Variants in ARAP3 observed in about 807,000 individuals in gnomAD.
ARAP3 encodes arf-GAP with Rho-GAP domain, ANK repeat and PH domain-containing protein 3.
In ARAP3, 82 loss-of-function variants were observed where a neutral mutation model predicts 169.2. The ratio of observed to expected loss-of-function variants is 0.48; its 90% CI spans 0.41 to 0.58. The LOEUF (loss-of-function observed/expected upper bound fraction) is 0.58. Ranked by LOEUF, ARAP3 falls within the 20% of genes least tolerant of loss-of-function variation. ARAP3 has a pLI of 0.00. For synonymous variants in ARAP3, 791 were observed against 800.3 expected (o/e 0.99, Z 0.20); for missense variants, 1,764 against 2,018.0 (o/e 0.87, Z 2.41).
intron 4 of ARAP3, among the ~76,000 whole-genome samples, chr5:141,678,031 T>C (rs1303544494): frequency 6.6e-6 from 1 of 151,410 alleles, no homozygotes; most frequent in Non-Finnish European, 1.5e-5. Flanking sequence ...CACTGCAAGC[T>C]CCGCCTCCCG....
In ARAP3 at chr5:141,656,295, T is replaced by C; in HGVS notation, c.3790-19A>G. On this transcript the variant is annotated intron_variant, in intron 27 of 32. Transcript: ENST00000239440. Reference sequence around the variant, plus strand: ...TAGAGCTCTGAGAACAGAAACAGAGTCAGCGAGATGGAGAGATGAGAGATC... The same window carrying C: ...TAGAGCTCTGAGAACAGAAACAGAGCCAGCGAGATGGAGAGATGAGAGATC... 1 of 1,613,410 alleles carries C rather than the reference T, an allele frequency of 6.2e-7. No homozygotes were observed. Among genetic ancestry groups the C allele is most frequent in the South Asian group, 1.1e-5 (1 of 91,054 alleles).
chr5:141,655,614 G>A lies in ARAP3; in HGVS notation c.4110+7C>T. 1 of 1,614,054 alleles carries A rather than the reference G, an allele frequency of 6.2e-7. No homozygotes were observed. Among genetic ancestry groups the A allele is most frequent in the Non-Finnish European group, 8.5e-7 (1 of 1,180,014 alleles). On this transcript the variant is annotated splice_region_variant and intron_variant, in intron 31 of 32. Coordinates refer to ENST00000239440, the MANE Select transcript of ARAP3 (RefSeq NM_022481.6). ...GAATCGGGTTGGGGCAGGGTGGGGT[G>A]CCTTACCAGGGTCTGATTGGCAGAG...
intron 22 of ARAP3, 94 bp from the exon 23 acceptor site, chr5:141,659,570 G>T (rs1421290967): frequency 5.6e-6 from 8 of 1,431,056 alleles, no homozygotes; most frequent in Non-Finnish European, 7.9e-6. Context: ...GAGGGCTGGA[G>T]GCCAGAAGAG....
At chr5:141,669,844 G>A (rs769765450) in intron 15 of ARAP3, 33 bp from the exon 16 acceptor site, 14 of 1,612,540 alleles carry the variant, frequency 8.7e-6, no homozygotes, top group Non-Finnish European at 1.2e-5. Flanking sequence ...GAGGAGGATG[G>A]GACCAATGAG....
At chr5:141,668,050 A>G (rs2099910906) in intron 16 of ARAP3, among the ~76,000 whole-genome samples, 4 of 151,966 alleles carry the variant, frequency 2.6e-5, no homozygotes, top group Admixed American at 2.6e-4. Flanking sequence ...CTCAAAAAGA[A>G]AATAATAATA....
intron 25 of ARAP3, among the ~76,000 whole-genome samples, chr5:141,658,064 G>A (rs1262376239): frequency 6.6e-6 from 1 of 152,090 alleles, no homozygotes; most frequent in African/African-American, 2.4e-5. Flanking sequence ...AGAGAAAAGG[G>A]CCTAGGATTG....
Position 141,653,888 on chromosome 5 carries a change from G to A in ARAP3, c.*62C>T. On this transcript the variant is annotated 3_prime_UTR_variant, in exon 33 of 33. Coordinates refer to ENST00000239440, the MANE Select transcript of ARAP3 (RefSeq NM_022481.6). The stretch of plus-strand genomic sequence containing the variant: ...AGCCAGGGCAGAGGAAGCTGCAACA[G>A]TGCCACGATAAGAGTTTCTGGGTCT... 3 of 1,504,388 alleles carry A rather than the reference G, an allele frequency of 2.0e-6. No homozygotes were observed. Among genetic ancestry groups the A allele is most frequent in the Non-Finnish European group, 2.7e-6 (3 of 1,128,226 alleles). The allele number at this position is 1,504,388 out of a possible 1,614,324, so 93.2% of individuals were successfully genotyped here.
Position 141,673,397 on chromosome 5 carries a change from C to G in ARAP3, c.972+4G>C. On this transcript the variant is annotated splice_donor_region_variant and intron_variant, in intron 6 of 32. Transcript: ENST00000239440. ...CCATATCGTCACATCTCCCAGCCCC[C>G]CACCTTGTCACTGCCAAAGTACATC... The G allele has an allele frequency of 1.2e-6, 2 of 1,614,124 alleles. No individual in the cohort carries two copies. Among genetic ancestry groups the G allele is most frequent in the East Asian group, 4.5e-5 (2 of 44,880 alleles).
chr5:141,658,189 A>T (rs1344796244), intron 25 of ARAP3, among the ~76,000 whole-genome samples, 176 bp downstream of exon 25: 2 of 152,114 alleles, frequency 1.3e-5, no homozygotes, highest in African/African-American at 4.8e-5. Flanking sequence ...ATGGAAGAAT[A>T]CTGAGAAAGA....
intron 20 of ARAP3, 33 bp from the exon 21 acceptor site, chr5:141,661,822 C>T: frequency 6.2e-7 from 1 of 1,608,608 alleles, no homozygotes. Context: ...TTGGGGAGGA[C>T]CCGGGAAGAA....
intron 17 of ARAP3, among the ~76,000 whole-genome samples, chr5:141,666,039 C>CAAAAAAA (rs764552450): frequency 1.7e-5 from 2 of 116,278 alleles, no homozygotes; most frequent in African/African-American, 6.1e-5. Context: ...ACTCTGTCTC[C>CAAAAAAA]AAAAAAAAAA....
At position 141,654,400 on chromosome 5, in the gene ARAP3, T is replaced by TTGCTCCTCC. The variant is rs769113742; in HGVS notation, c.4176_4184dup (p.Gln1395_Glu1397dup). ...CGTACACAGGCTCCTCCAGCTCCTC[T>TTGCTCCTCC]TGCTCCTCCACAGACCCCTGGGATG... On this transcript the variant is annotated inframe_insertion, in exon 33 of 33. Coordinates refer to ENST00000239440, the MANE Select transcript of ARAP3 (RefSeq NM_022481.6). The TTGCTCCTCC allele has an allele frequency of 1.2e-6, 2 of 1,608,440 alleles. No homozygotes were observed. The highest frequency in any genetic ancestry group is 2.2e-5 in the South Asian group (2 of 90,476).
intron 16 of ARAP3, 118 bp from the exon 17 acceptor site, chr5:141,666,761 GAAGAA>G (rs1206220412): frequency 4.2e-6 from 2 of 478,336 alleles, no homozygotes; most frequent in African/African-American, 4.0e-5. Context: ...AGAGAAAGCA[GAAGAA>G]AAGCAGGAAT....
intron 27 of ARAP3, 71 bp from the exon 28 acceptor site, chr5:141,656,347 G>C: frequency 6.2e-7 from 1 of 1,603,832 alleles, no homozygotes; most frequent in Non-Finnish European, 8.5e-7. Context: ...AGACGTCATG[G>C]AAGCAATGGG....
At position 141,656,507 on chromosome 5, in the gene ARAP3, C is replaced by T. The variant is rs199818610; in HGVS notation, c.3786G>A (p.Lys1262=). 80 of 1,611,570 alleles carry T rather than the reference C, an allele frequency of 5.0e-5. No individual in the cohort carries two copies. The Admixed American group carries it at 1.3e-3, about 27-fold the overall frequency. ...ACCTCTGGCCCCAGGGCCTCACTTTCTTCTCCTTGAGCAGCAGCAGGCAGC... is the reference window on the plus strand; with the variant it reads ...ACCTCTGGCCCCAGGGCCTCACTTTTTTCTCCTTGAGCAGCAGCAGGCAGC... The part of the protein sequence containing the change: ...RGRCLLLLKE[K]KSSKPEREWP... Residue 1262 remains lysine, a synonymous_variant, in exon 27 of 33, where the codon AAG becomes AAA. Transcript: ENST00000239440.
In ARAP3 at chr5:141,656,552, C is replaced by T; in HGVS notation, c.3741G>A (p.Arg1247=). Residue 1247 remains arginine (R), a synonymous_variant, in exon 27 of 33, where the codon AGG becomes AGA. Transcript: ENST00000239440. ...PRLLGSRFQE[R]FFLLRGRCLL... is the part of the protein sequence containing the mutation. ...GGCAGCGGCCACGCAGCAGAAAGAA[C>T]CTCTCCTGGAAGCGGCTTCCCAGCA... 6.2e-7 allele frequency: 1 copy of T among 1,612,900 alleles called. No individual in the cohort carries two copies. Among genetic ancestry groups the T allele is most frequent in the Middle Eastern group, 1.7e-4 (1 of 6,060 alleles).
At chr5:141,657,458 G>T (rs2099909408) in intron 25 of ARAP3, among the ~76,000 whole-genome samples, 1 of 152,230 alleles carries the variant, frequency 6.6e-6, no homozygotes, top group African/African-American at 2.4e-5. Context: ...AGCCACTGAA[G>T]GGTTTTAACC....
In ARAP3 at chr5:141,659,860, G is replaced by C. The variant is rs773429625; in HGVS notation, c.3186C>G (p.Ser1062Arg). 1 of 1,601,892 alleles carries C rather than the reference G, an allele frequency of 6.2e-7. No individual in the cohort carries two copies. Among genetic ancestry groups the C allele is most frequent in the Non-Finnish European group, 8.5e-7 (1 of 1,174,994 alleles). Residue 1062 changes from serine (S) to arginine (R), a missense_variant, in exon 22 of 33, where the codon AGC becomes AGG. Ser to Arg is a moderately radical substitution (Grantham distance 110). This residue lies in a region of ARAP3 where 1,112 missense variants were observed against 1,285.7 expected (regional missense o/e 0.86). Transcript: ENST00000239440. ...TRNLALLFAP[S>R]VFQTDGRGEH... The stretch of plus-strand genomic sequence containing the variant: ...CCCCTCGCCCATCCGTCTGGAACAC[G>C]CTGGGTGCAAACAGCAGAGCCAAGT...
Position 141,680,078 on chromosome 5 carries a change from G to T in ARAP3, c.409C>A (p.Pro137Thr). ...TGCTCAGAGGAGGAAGTGGGGAGAG[G>T]AGGAGGCCTTGGGCTGGGCTCTGGG... is the stretch of plus-strand genomic sequence containing the variant. ...RSPEPSPRPP[P>T]LPTSSSEQSS... Residue 137 changes from proline (P) to threonine (T), a missense_variant, in exon 2 of 33, where the codon CCT becomes ACT. This residue lies in a region of ARAP3 where 630 missense variants were observed against 678.7 expected (regional missense o/e 0.93). Coordinates refer to ENST00000239440, the MANE Select transcript of ARAP3 (RefSeq NM_022481.6). 4 of 1,614,074 alleles carry T rather than the reference G, an allele frequency of 2.5e-6. No individual in the cohort carries two copies. The highest frequency in any genetic ancestry group is 3.4e-6 in the Non-Finnish European group (4 of 1,180,022).
Sources: allele counts gnomAD v4.1 joint callset (sites outside exome capture counted in the v4.1 genomes callset), GRCh38; gene constraint gnomAD v4.1.1; regional missense constraint gnomAD v4.1.1; transcripts MANE v1.5; gene names NCBI Gene and HGNC (gene_info 2026-07-23, HGNC 2026-07-21).